The following ADCYAP1R1 variants were observed in gnomAD, a reference collection of about 807,000 sequenced individuals.
ADCYAP1R1 encodes pituitary adenylate cyclase-activating polypeptide type I receptor.
In ADCYAP1R1, 44 loss-of-function variants were observed where a neutral mutation model predicts 67.6. The observed-to-expected ratio is 0.65, with a 90% CI of 0.51 to 0.84. ADCYAP1R1 has a LOEUF of 0.84. Ranked by LOEUF, ADCYAP1R1 falls within the 40% of genes least tolerant of loss-of-function variation. The probability of loss-of-function intolerance (pLI) is 0.00; values close to 1 mark genes in which losing one functional copy is unlikely to be tolerated. For synonymous variants in ADCYAP1R1, 222 were observed against 219.6 expected, an observed-to-expected ratio of 1.01 and a Z score of -0.10; for missense variants, 477 against 587.9, an observed-to-expected ratio of 0.81 and a Z score of 1.95.
chr7:31,071,826 C>T (rs2284223), intron 3 of ADCYAP1R1, among the ~76,000 whole-genome samples: 84,659 of 151,612 alleles, frequency 0.56, 24,143 homozygotes, highest in East Asian at 0.71. Context: ...CTGCCTACTT[C>T]GACAGCTGTC....
At chr7:31,081,905 C>T in intron 6 of ADCYAP1R1, 151 bp downstream of exon 6, 1 of 577,814 alleles carries the variant, frequency 1.7e-6, no homozygotes, top group Non-Finnish European at 3.0e-6. Flanking sequence ...GATAAAGGTA[C>T]AGATTATCTT....
intron 3 of ADCYAP1R1, among the ~76,000 whole-genome samples, chr7:31,069,468 C>G (rs11982312): frequency 0.03 from 4,542 of 152,274 alleles, 225 homozygotes; most frequent in African/African-American, 0.1. Context: ...AAACTCACAA[C>G]AGTGTCTTTT....
chr7:31,106,900 C>G lies in ADCYAP1R1; in HGVS notation c.*216C>G. ...CCACTGTGGTCCCCTGGGCCCTGACCCCAGACATGTAAATACTCCTCAAAT... is the reference window on the plus strand; with the variant it reads ...CCACTGTGGTCCCCTGGGCCCTGACGCCAGACATGTAAATACTCCTCAAAT... On this transcript the variant is annotated 3_prime_UTR_variant, in exon 16 of 16. Coordinates refer to ENST00000304166, the MANE Select transcript of ADCYAP1R1 (RefSeq NM_001118.5). 1.8e-6 allele frequency: 1 copy of G among 567,810 alleles called. No homozygotes were observed. Among genetic ancestry groups the G allele is most frequent in the South Asian group, 2.6e-5 (1 of 38,416 alleles). 35.2% of individuals were successfully genotyped at this position (567,810 alleles called of 1,614,324 possible).
intron 1 of ADCYAP1R1, among the ~76,000 whole-genome samples, chr7:31,060,501 G>GGTGTGTGTGT (rs61249603): frequency 3.4e-4 from 50 of 149,246 alleles, no homozygotes; most frequent in African/African-American, 1.1e-3. Flanking sequence ...GTGTGTGTGT[G>GGTGTGTGTGT]GTGTGTGTGT....
intron 1 of ADCYAP1R1, among the ~76,000 whole-genome samples, chr7:31,061,888 G>GC (rs150252797): frequency 0.022 from 3,340 of 152,194 alleles, 128 homozygotes; most frequent in African/African-American, 0.076. Flanking sequence ...ATTTGCTTGG[G>GC]CCCCCCATGG....
intron 3 of ADCYAP1R1, among the ~76,000 whole-genome samples, chr7:31,077,082 C>T (rs1157740426): frequency 7.9e-5 from 12 of 152,184 alleles, no homozygotes; most frequent in East Asian, 7.7e-4. Context: ...AAGTGCCTTG[C>T]GTCTCCATTC....
At position 31,052,495 on chromosome 7, in the gene ADCYAP1R1, C is replaced by G. The variant is rs1394660181; in HGVS notation, c.-255C>G. ...GTCCCCGCGTGCGCACACGCACACGCCGCCGCGCAGGGACACACGGACCCC... is the reference window on the plus strand; with the variant it reads ...GTCCCCGCGTGCGCACACGCACACGGCGCCGCGCAGGGACACACGGACCCC... On this transcript the variant is annotated 5_prime_UTR_variant, in exon 1 of 16. Coordinates refer to ENST00000304166, the MANE Select transcript of ADCYAP1R1 (RefSeq NM_001118.5). 6.7e-6 allele frequency: 1 copy of G among 150,172 alleles called. No individual in the cohort carries two copies. The highest frequency in any genetic ancestry group is 1.5e-5 in the Non-Finnish European group (1 of 67,368). 9.3% of individuals were successfully genotyped at this position (150,172 alleles called of 1,614,324 possible).
intron 3 of ADCYAP1R1, 64 bp downstream of exon 3, chr7:31,065,000 G>A (rs1794677099): frequency 1.5e-6 from 2 of 1,311,880 alleles, no homozygotes; most frequent in Non-Finnish European, 2.1e-6. Context: ...GTTTTCCTGT[G>A]CTCAGGCTCG....
At chr7:31,053,080 G>C (rs1003129047) in intron 1 of ADCYAP1R1, among the ~76,000 whole-genome samples, 1 of 152,304 alleles carries the variant, frequency 6.6e-6, no homozygotes, top group East Asian at 1.9e-4. Flanking sequence ...CTACCCTTAG[G>C]TGGACGGACG....
intron 5 of ADCYAP1R1, among the ~76,000 whole-genome samples, chr7:31,081,365 T>G (rs922405479): frequency 7.2e-5 from 11 of 152,144 alleles, no homozygotes; most frequent in African/African-American, 2.7e-4. Flanking sequence ...GGTTTGCCCT[T>G]TTTTTGAAAA....
chr7:31,076,581 C>T (rs554515758), intron 3 of ADCYAP1R1, among the ~76,000 whole-genome samples: 24 of 152,352 alleles, frequency 1.6e-4, no homozygotes, highest in African/African-American at 5.5e-4. Context: ...CTCCATCAGT[C>T]TGGAGATGCT....
At chr7:31,093,117 T>C (rs1796035627) in intron 13 of ADCYAP1R1, among the ~76,000 whole-genome samples, 1 of 152,174 alleles carries the variant, frequency 6.6e-6, no homozygotes, top group African/African-American at 2.4e-5. Flanking sequence ...ACTGAATACA[T>C]TGTTGCCTGA....
At chr7:31,104,727 T>A (rs776308002) in intron 14 of ADCYAP1R1, 141 bp from the exon 15 acceptor site, 68 of 941,276 alleles carry the variant, frequency 7.2e-5, no homozygotes, top group Admixed American at 2.9e-4. Context: ...AACTGTCCCA[T>A]CTTACCCCAG....
chr7:31,096,759 A>G (rs949953609), intron 13 of ADCYAP1R1, among the ~76,000 whole-genome samples: 4 of 152,038 alleles, frequency 2.6e-5, no homozygotes, highest in Non-Finnish European at 5.9e-5. Context: ...TACTTCGAGG[A>G]CTGGGCAGGG....
rs577739089 is a variant in ADCYAP1R1, at chr7:31,103,780, C to T, written c.1176+414C>T. Among the ~76,000 whole-genome samples, 7 of 152,118 alleles carry T rather than the reference C, an allele frequency of 4.6e-5. No homozygotes were observed. In the South Asian group the frequency reaches 1.0e-3, roughly 23 times the overall value. On this transcript the variant is annotated intron_variant, in intron 14 of 15. Transcript: ENST00000304166. Reference sequence around the variant, plus strand: ...TGGCCACAGAGAGCCCAGTGAGCTGCACAAATGCATGAGCAAACAGACATG... The same window carrying T: ...TGGCCACAGAGAGCCCAGTGAGCTGTACAAATGCATGAGCAAACAGACATG...
chr7:31,081,015 C>T (rs1053141580), intron 5 of ADCYAP1R1, among the ~76,000 whole-genome samples: 6 of 152,130 alleles, frequency 3.9e-5, no homozygotes, highest in Admixed American at 2.6e-4. Flanking sequence ...GCTAAGAAGC[C>T]GGAATGCACA....
intron 13 of ADCYAP1R1, among the ~76,000 whole-genome samples, chr7:31,098,889 G>A (rs2284225): frequency 0.43 from 65,414 of 151,926 alleles, 16,990 homozygotes; most frequent in East Asian, 0.78. Context: ...ATTTGCATCA[G>A]GTCCAATCTG....
intron 12 of ADCYAP1R1, among the ~76,000 whole-genome samples, chr7:31,089,237 C>G (rs1483548251): frequency 6.6e-6 from 1 of 151,728 alleles, no homozygotes; most frequent in East Asian, 1.9e-4. Context: ...GTTTTTATCC[C>G]TTTTCACTTG....
intron 3 of ADCYAP1R1, among the ~76,000 whole-genome samples, chr7:31,066,862 G>A (rs1794758705): frequency 6.6e-6 from 1 of 152,238 alleles, no homozygotes; most frequent in African/African-American, 2.4e-5. Context: ...ATCCACAAGA[G>A]GCAGGAGCCT....
Sources: gnomAD v4.1 joint callset for allele counts (sites outside exome capture counted in the v4.1 genomes callset) on GRCh38, gnomAD v4.1.1 for gene constraint, MANE v1.5 for transcripts, NCBI Gene and HGNC (gene_info 2026-07-23, HGNC 2026-07-21) for gene names.